Variants in LRRTM3 observed in about 807,000 individuals in gnomAD.
LRRTM3 encodes the protein leucine rich repeat transmembrane neuronal 3.
LRRTM3 carries 24 observed loss-of-function variants against 44.7 expected under a neutral mutation model. The ratio of observed to expected loss-of-function variants is 0.54; its 90% CI spans 0.39 to 0.76. LRRTM3 has a LOEUF of 0.76. LRRTM3 is among the 30% of genes least tolerant of loss of function. The pLI is 0.00. For synonymous variants in LRRTM3, 277 were observed against 278.7 expected, an observed-to-expected ratio of 0.99 and a Z score of 0.06; for missense variants, 587 against 702.2, an observed-to-expected ratio of 0.84 and a Z score of 1.85.
chr10:66,988,510 T>C (rs967476305), intron 2 of LRRTM3, among the ~76,000 whole-genome samples: 1 of 152,168 alleles, frequency 6.6e-6, no homozygotes. Flanking sequence ...GTATTGTGTG[T>C]TTTTATTTGG....
rs1858269159 is a variant in LRRTM3 at position 67,100,352 on chromosome 10, C to T, written c.*2556C>T. Among the ~76,000 whole-genome samples, 1 of 151,540 alleles carries T rather than the reference C, an allele frequency of 6.6e-6. No homozygotes were observed. Among genetic ancestry groups the T allele is most frequent in the African/African-American group, 2.4e-5 (1 of 41,312 alleles). The stretch of plus-strand genomic sequence containing the variant: ...CATCTTTAAATTCAACCAAAAGGGT[C>T]TTTAGCAAGAAAAAAAATGCTGGAT... On this transcript the variant is annotated 3_prime_UTR_variant, in exon 3 of 3. Transcript: ENST00000361320.
At chr10:66,964,944 A>G (rs1564798774) in intron 2 of LRRTM3, among the ~76,000 whole-genome samples, 2 of 152,220 alleles carry the variant, frequency 1.3e-5, no homozygotes, top group Non-Finnish European at 2.9e-5. Context: ...ACATTTTGGA[A>G]TAATAGAAAA....
Position 66,977,008 on chromosome 10 carries a change from C to T in LRRTM3, c.1536+48556C>T, listed in dbSNP as rs577741119. On this transcript the variant is annotated intron_variant, in intron 2 of 2. Coordinates refer to ENST00000361320, the MANE Select transcript of LRRTM3 (RefSeq NM_178011.5). ...GGTGAAAATCAATGTAATTTTATAT[C>T]TACAAATGCTTCCAGGAGAATTAGC... Among the ~76,000 whole-genome samples the T allele has an allele frequency of 6.6e-5, 10 of 152,196 alleles. No individual in the cohort carries two copies. The South Asian group carries it at 2.1e-3, about 32-fold the overall frequency.
chr10:67,014,939 C>A (rs932981090), intron 2 of LRRTM3, among the ~76,000 whole-genome samples: 1 of 151,992 alleles, frequency 6.6e-6, no homozygotes, highest in Non-Finnish European at 1.5e-5. Flanking sequence ...GTTATATTTT[C>A]TTTTCCTTTA....
chr10:67,054,789 ACCAACTCAGTAAC>A, intron 2 of LRRTM3: 1 of 152,286 alleles, frequency 6.6e-6, no homozygotes, highest in Middle Eastern at 3.4e-3. Context: ...TCTTAATGGT[ACCAACTCAGTAAC>A]CCAAACTGTT....
intron 2 of LRRTM3, among the ~76,000 whole-genome samples, chr10:66,933,764 G>C (rs1847539373): frequency 6.6e-6 from 1 of 152,134 alleles, no homozygotes. Flanking sequence ...ATATGTCATT[G>C]CTTATGCAAA....
intron 2 of LRRTM3, among the ~76,000 whole-genome samples, chr10:67,055,699 T>C (rs888777145): frequency 6.6e-6 from 1 of 152,142 alleles, no homozygotes; most frequent in African/African-American, 2.4e-5. Flanking sequence ...CCTGGTATTT[T>C]TGTGGGAGTA....
intron 2 of LRRTM3, among the ~76,000 whole-genome samples, chr10:66,949,499 A>G (rs937705021): frequency 6.6e-6 from 1 of 152,086 alleles, no homozygotes. Flanking sequence ...CGGAGGTTGC[A>G]GTGAGCCAAG....
At chr10:66,960,146 T>C (rs941949940) in intron 2 of LRRTM3, among the ~76,000 whole-genome samples, 3 of 152,128 alleles carry the variant, frequency 2.0e-5, no homozygotes, top group African/African-American at 7.2e-5. Context: ...CTCTGCCTTC[T>C]CTCTCTGCAG....
chr10:67,020,108 T>TA (rs1484801606), intron 2 of LRRTM3, among the ~76,000 whole-genome samples: 3 of 152,140 alleles, frequency 2.0e-5, no homozygotes, highest in Non-Finnish European at 4.4e-5. Flanking sequence ...CGCCTTACAA[T>TA]AAAAAACATG....
intron 2 of LRRTM3, among the ~76,000 whole-genome samples, chr10:66,962,972 T>TTGAC (rs1446850148): frequency 2.1e-5 from 3 of 142,144 alleles, no homozygotes; most frequent in Non-Finnish European, 4.6e-5. Context: ...TAAGTAGTTG[T>TTGAC]TGACTGAATG....
At chr10:67,000,871 G>A (rs1851645970) in intron 2 of LRRTM3, among the ~76,000 whole-genome samples, 1 of 152,118 alleles carries the variant, frequency 6.6e-6, no homozygotes, top group South Asian at 2.1e-4. Flanking sequence ...TCTAGCCAAA[G>A]TCAATTACTC....
intron 2 of LRRTM3, among the ~76,000 whole-genome samples, chr10:66,946,142 T>G (rs967342397): frequency 1.3e-5 from 2 of 152,180 alleles, no homozygotes; most frequent in African/African-American, 4.8e-5. Flanking sequence ...GTAAAAATCA[T>G]AATATCTGCA....
At chr10:66,944,065 C>A (rs1328851962) in intron 2 of LRRTM3, among the ~76,000 whole-genome samples, 1 of 152,066 alleles carries the variant, frequency 6.6e-6, no homozygotes. Context: ...AGGATGTCTG[C>A]TGCATTGGTT....
intron 2 of LRRTM3, among the ~76,000 whole-genome samples, chr10:67,045,682 G>A (rs1854692947): frequency 6.6e-6 from 1 of 152,144 alleles, no homozygotes; most frequent in Non-Finnish European, 1.5e-5. Context: ...GCGCGGGATG[G>A]GGCGGCCCCC....
intron 2 of LRRTM3, among the ~76,000 whole-genome samples, chr10:66,957,434 A>G (rs1848874519): frequency 9.1e-6 from 1 of 110,002 alleles, no homozygotes; most frequent in Non-Finnish European, 1.9e-5. Context: ...ATATGCATAT[A>G]TATATATGCA....
At chr10:67,055,065 A>G (rs1455697828) in intron 2 of LRRTM3, 4 of 152,102 alleles carry the variant, frequency 2.6e-5, no homozygotes, top group African/African-American at 9.7e-5. Context: ...TATTTTATCA[A>G]ATAGAAATAG....
intron 2 of LRRTM3, among the ~76,000 whole-genome samples, chr10:67,013,238 CTAT>C: frequency 6.6e-6 from 1 of 151,572 alleles, no homozygotes; most frequent in East Asian, 1.9e-4. Flanking sequence ...CCTTAATACT[CTAT>C]TAAGTTGCCT....
chr10:66,996,393 C>G (rs1851339374), intron 2 of LRRTM3, among the ~76,000 whole-genome samples: 1 of 152,010 alleles, frequency 6.6e-6, no homozygotes. Context: ...CGCCTGTAAT[C>G]CTAGCACTTT....
Sources: gnomAD v4.1 joint callset for allele counts (sites outside exome capture counted in the v4.1 genomes callset) on GRCh38, gnomAD v4.1.1 for gene constraint, MANE v1.5 for transcripts, NCBI Gene and HGNC (gene_info 2026-07-23, HGNC 2026-07-21) for gene names.